The following FRY variants were observed in gnomAD, a reference collection of about 807,000 sequenced individuals.
The protein encoded by FRY is FRY microtubule binding protein.
In FRY, 128 loss-of-function variants were observed where a neutral mutation model predicts 348.4. The observed-to-expected ratio is 0.37, with a 90% confidence interval of 0.32 to 0.43. The LOEUF is 0.43. Ranked by LOEUF, FRY falls within the 20% of genes least tolerant of loss-of-function variation. The probability of loss-of-function intolerance (pLI) is 1.00; values close to 1 mark genes in which losing one functional copy is unlikely to be tolerated. For missense variants in FRY, 2,736 were observed against 3,695.2 expected (o/e 0.74, Z 6.73); for synonymous variants, 1,370 against 1,374.7 (o/e 1.00, Z 0.08).
chr13:32,137,122 T>C (rs373534269), intron 11 of FRY, 150 bp downstream of exon 11: 16 of 654,400 alleles, frequency 2.4e-5, no homozygotes, highest in Middle Eastern at 3.5e-4. Context: ...ATAAGAGTTC[T>C]TATTAAATAT....
chr13:32,109,292 C>T (rs187340604), intron 3 of FRY, among the ~76,000 whole-genome samples: 1 of 152,166 alleles, frequency 6.6e-6, no homozygotes, highest in Admixed American at 6.5e-5. Flanking sequence ...GCTGAAGTCA[C>T]AAAAATGAAT....
chr13:32,057,376 T>C (rs751138972), intron 1 of FRY, among the ~76,000 whole-genome samples: 2 of 151,994 alleles, frequency 1.3e-5, no homozygotes, highest in Non-Finnish European at 2.9e-5. Flanking sequence ...TTCACCATAT[T>C]AGCCAGGCTG....
chr13:32,191,965 A>G, intron 28 of FRY, among the ~76,000 whole-genome samples: 1 of 152,208 alleles, frequency 6.6e-6, no homozygotes, highest in East Asian at 1.9e-4. Context: ...ATTATATACC[A>G]TATAATTCCA....
Position 32,225,056 on chromosome 13 carries a change from G to T in FRY, c.5020+20G>T. The stretch of plus-strand genomic sequence containing the variant: ...TCTTAGGTAAGACTGGATCTAAAAG[G>T]CATTCTAGCCAATCGGGTTAAAAAT... On this transcript the variant is annotated intron_variant, in intron 38 of 60. Coordinates refer to ENST00000542859, the MANE Select transcript of FRY (RefSeq NM_023037.3). 1 of 1,332,828 alleles carries T rather than the reference G, an allele frequency of 7.5e-7. No individual in the cohort carries two copies. Among genetic ancestry groups the T allele is most frequent in the Non-Finnish European group, 1.1e-6 (1 of 922,862 alleles). 82.6% of individuals were successfully genotyped at this position (1,332,828 alleles called of 1,614,324 possible).
At chr13:32,220,310 C>T (rs1885249430) in intron 36 of FRY, among the ~76,000 whole-genome samples, 1 of 152,202 alleles carries the variant, frequency 6.6e-6, no homozygotes, top group Non-Finnish European at 1.5e-5. Context: ...AGTTCTCTAC[C>T]ATTAAAATAC....
chr13:32,237,328 T>C lies in FRY; in HGVS notation c.5811-51T>C. 1 of 1,599,336 alleles carries C rather than the reference T, an allele frequency of 6.3e-7. No homozygotes were observed. The highest frequency in any genetic ancestry group is 8.5e-7 in the Non-Finnish European group (1 of 1,171,742). On this transcript the variant is annotated intron_variant, in intron 43 of 60. Transcript: ENST00000542859. This position sits in a 1 kb window ranked among gnomAD's most constrained non-coding sequence, Gnocchi z 6.3. The stretch of plus-strand genomic sequence containing the variant: ...CTCAGTGGACTTGAAAGGACTGGCT[T>C]TTGGTGACACATGTTGGCATCCTAT...
chr13:32,190,181 AC>A (rs1160238206), intron 28 of FRY, among the ~76,000 whole-genome samples: 1 of 151,844 alleles, frequency 6.6e-6, no homozygotes, highest in East Asian at 1.9e-4. Context: ...AAAAAAAAAC[AC>A]CCTATGAGCA....
chr13:32,095,404 G>C (rs1372761833), intron 2 of FRY, among the ~76,000 whole-genome samples: 1 of 142,316 alleles, frequency 7.0e-6, no homozygotes, highest in Non-Finnish European at 1.5e-5. Context: ...CTGGAGTGCA[G>C]TGGCGCAGTC....
At chr13:32,166,633 G>A (rs766352976) in intron 17 of FRY, among the ~76,000 whole-genome samples, 1 of 152,030 alleles carries the variant, frequency 6.6e-6, no homozygotes, top group African/African-American at 2.4e-5. Flanking sequence ...AGGAAGAACT[G>A]AGTGGAAGAG....
intron 51 of FRY, among the ~76,000 whole-genome samples, chr13:32,258,133 G>C (rs1325936620): frequency 6.6e-6 from 1 of 152,034 alleles, no homozygotes; most frequent in Non-Finnish European, 1.5e-5. Flanking sequence ...ATTTTTCTTG[G>C]CTGCTCTAGT....
rs74044949 is a variant in FRY, at chr13:32,239,316, G to A, written c.6483G>A (p.Gln2161=). 1.0e-3 allele frequency: 1,640 copies of A among 1,610,492 alleles called. 15 individuals are homozygous for A. In the African/African-American group the frequency reaches 0.02, roughly 20 times the overall value. The change falls in exon 45 of 61, where the codon CAG becomes CAA. Residue 2161 remains glutamine (Q), a synonymous_variant. Transcript: ENST00000542859. This position sits in a 1 kb window ranked among gnomAD's most constrained non-coding sequence, Gnocchi z 4.3. The part of the protein sequence containing the change: ...QLIQHFENPN[Q]FCKDIAERIA... ...TTCAGCATTTTGAAAATCCCAATCA[G>A]TTCTGTAAGGATATAGCCGAAAGGA...
chr13:32,238,742 G>A (rs1172162968), intron 44 of FRY, among the ~76,000 whole-genome samples: 2 of 152,122 alleles, frequency 1.3e-5, no homozygotes, highest in African/African-American at 4.8e-5. Context: ...GAGCCACCAT[G>A]CCCAGCCAAC....
intron 50 of FRY, among the ~76,000 whole-genome samples, chr13:32,253,314 A>G (rs1887176072): frequency 6.6e-6 from 1 of 152,232 alleles, no homozygotes; most frequent in South Asian, 2.1e-4. Context: ...CTTAAACACT[A>G]GAGGAAAAAA....
At chr13:32,205,334 G>A (rs1332095709) in intron 31 of FRY, among the ~76,000 whole-genome samples, 1 of 152,112 alleles carries the variant, frequency 6.6e-6, no homozygotes, top group East Asian at 1.9e-4. Flanking sequence ...ATTGGGCCAG[G>A]AATATCAGAA....
At chr13:32,039,451 G>C (rs1359776122) in intron 1 of FRY, among the ~76,000 whole-genome samples, 1 of 151,608 alleles carries the variant, frequency 6.6e-6, no homozygotes, top group Non-Finnish European at 1.5e-5. Context: ...ATGTCTGTCT[G>C]TCTCTCTCTC....
intron 1 of FRY, among the ~76,000 whole-genome samples, chr13:32,062,841 G>A (rs1874024557): frequency 6.6e-6 from 1 of 151,840 alleles, no homozygotes; most frequent in Non-Finnish European, 1.5e-5. Context: ...TCTTGGAACT[G>A]TATATAGTTA....
chr13:32,176,308 T>G (rs1164877790), intron 20 of FRY, among the ~76,000 whole-genome samples: 1 of 152,202 alleles, frequency 6.6e-6, no homozygotes, highest in Non-Finnish European at 1.5e-5. Context: ...GGACCTGGAT[T>G]AATTTGGGCT....
In FRY at chr13:32,187,644, T is replaced by G. The variant is rs1202339662; in HGVS notation, c.3579T>G (p.Cys1193Trp). The change falls in exon 28 of 61, where the codon TGT (cysteine) becomes TGG (tryptophan). Residue 1193 changes from cysteine (C) to tryptophan (W), a missense_variant. By Grantham distance (215) the Cys-to-Trp change is radical (BLOSUM62 -2). Around this residue, in one of 9 missense-constraint regions of FRY, gnomAD observed 794 missense variants for 977.0 expected, o/e 0.81. Coordinates refer to ENST00000542859, the MANE Select transcript of FRY (RefSeq NM_023037.3). ...LYKWLDNILACQDLRVHQLGC... is the reference protein window; with the variant it reads ...LYKWLDNILAWQDLRVHQLGC... ...AATGGCTTGACAACATTCTGGCTTG[T>G]CAAGATTTACGAGTAAGTATAGGCA... 6.3e-7 allele frequency: 1 copy of G among 1,595,926 alleles called. No homozygotes were observed. The highest frequency in any genetic ancestry group is 8.6e-7 in the Non-Finnish European group (1 of 1,163,428).
At chr13:32,275,131 C>G (rs1172133416) in intron 56 of FRY, 140 bp downstream of exon 56, 1 of 732,894 alleles carries the variant, frequency 1.4e-6, no homozygotes, top group South Asian at 1.5e-5. Flanking sequence ...GTAATCCCAG[C>G]ACTTTGGGAG....
Sources: allele counts gnomAD v4.1 joint callset (sites outside exome capture counted in the v4.1 genomes callset), GRCh38; gene constraint gnomAD v4.1.1; regional missense constraint gnomAD v4.1.1; non-coding constraint Gnocchi (gnomAD v3.1); transcripts MANE v1.5; gene names NCBI Gene and HGNC (gene_info 2026-07-23, HGNC 2026-07-21).